Variants in NAA20 observed in about 807,000 individuals in gnomAD.
NAA20 encodes N-alpha-acetyltransferase 20, NatB catalytic subunit.
In NAA20, 24 loss-of-function variants were observed where a neutral mutation model predicts 23.8. The ratio of observed to expected loss-of-function variants is 1.01; its 90% confidence interval spans 0.73 to 1.42. The LOEUF is 1.42. NAA20 is among the 40% of genes most tolerant of loss of function. NAA20 has a pLI of 0.00. For missense variants in NAA20, 166 were observed against 223.1 expected, an observed-to-expected ratio of 0.74 and a Z score of 1.63; for synonymous variants, 83 against 77.7, an observed-to-expected ratio of 1.07 and a Z score of -0.36.
In NAA20 at chr20:20,033,089, T is replaced by G. The variant is rs374101584; in HGVS notation, c.452-13T>G. On this transcript the variant is annotated splice_polypyrimidine_tract_variant and intron_variant, in intron 5 of 5. Transcript: ENST00000334982. ...TTTTTTGGGTGTTTATATTAAACTT[T>G]GCTTCTTTACAGATATGAGGAAAGC... 281 of 1,592,258 alleles carry G rather than the reference T, an allele frequency of 1.8e-4. 1 individual carries two copies. Among genetic ancestry groups the G allele is most frequent in the Non-Finnish European group, 2.4e-4 (278 of 1,160,538 alleles).
At chr20:20,021,033 G>T (rs1007286265) in intron 1 of NAA20, among the ~76,000 whole-genome samples, 1 of 119,750 alleles carries the variant, frequency 8.4e-6, no homozygotes, top group South Asian at 3.7e-4. Context: ...CGTGGGTTCG[G>T]TGGGCGGGGG....
At chr20:20,027,631 A>G (rs570577139) in intron 4 of NAA20, among the ~76,000 whole-genome samples, 3 of 152,210 alleles carry the variant, frequency 2.0e-5, no homozygotes, top group Admixed American at 1.3e-4. Context: ...TAGTTTGCCA[A>G]TATCTGACAT....
At chr20:20,017,514 C>G in intron 1 of NAA20, 65 bp downstream of exon 1, 2 of 1,546,390 alleles carry the variant, frequency 1.3e-6, no homozygotes, top group Non-Finnish European at 1.7e-6. Context: ...CCCGCCAGCT[C>G]CGGCCCCAGC....
At chr20:20,021,670 C>A (rs1003104374) in intron 1 of NAA20, among the ~76,000 whole-genome samples, 2 of 152,194 alleles carry the variant, frequency 1.3e-5, no homozygotes, top group African/African-American at 4.8e-5. Flanking sequence ...AGTTTAAGAA[C>A]TGCTGGACTA....
At chr20:20,032,476 T>C (rs1374692148) in intron 4 of NAA20, 32 bp from the exon 5 acceptor site, 7 of 1,603,138 alleles carry the variant, frequency 4.4e-6, no homozygotes, top group Non-Finnish European at 6.0e-6. Context: ...TCTCACATTC[T>C]AACATTTTCC....
rs61268903 is a variant in NAA20, at chr20:20,022,420, G to A, written c.54-36G>A. ...CTTATTTCAACTGGTTATTGTAAAC[G>A]CTGCTTACTAGAGACATTTCTCTTG... On this transcript the variant is annotated intron_variant, in intron 1 of 5. Transcript: ENST00000334982. The A allele has an allele frequency of 2.9e-3, 4,550 of 1,572,596 alleles. 113 individuals carry two copies. The African/African-American group carries it at 0.056, about 19-fold the overall frequency.
chr20:20,025,561 A>G (rs2043301068), intron 2 of NAA20, 116 bp from the exon 3 acceptor site: 1 of 733,834 alleles, frequency 1.4e-6, no homozygotes, highest in Non-Finnish European at 2.4e-6. Context: ...TAGGACTCAT[A>G]CAGAGCTGGG....
In NAA20 at chr20:20,017,886, C is replaced by T. The variant is rs2043242448; in HGVS notation, c.53+437C>T. 3.1e-6 allele frequency: 5 copies of T among 1,590,232 alleles called. No homozygotes were observed. The East Asian group carries it at 1.1e-4, about 36-fold the overall frequency. On this transcript the variant is annotated intron_variant, in intron 1 of 5. Coordinates refer to ENST00000334982, the MANE Select transcript of NAA20 (RefSeq NM_016100.5). The stretch of plus-strand genomic sequence containing the variant: ...TCTGGGCAGAGGGCACCGCCGACGG[C>T]CAGGCCGCAGAGGGGGCTTGCGAGG...
At chr20:20,029,113 A>AAAT (rs2043325663) in intron 4 of NAA20, among the ~76,000 whole-genome samples, 1 of 152,152 alleles carries the variant, frequency 6.6e-6, no homozygotes, top group South Asian at 2.1e-4. Flanking sequence ...GACTCTATTT[A>AAAT]AAAGACAAAG....
At chr20:20,028,130 CTT>C (rs751567110) in intron 4 of NAA20, among the ~76,000 whole-genome samples, 4 of 152,106 alleles carry the variant, frequency 2.6e-5, no homozygotes, top group Non-Finnish European at 5.9e-5. Flanking sequence ...CGGTGCTAAT[CTT>C]TAAGATTTTT....
intron 1 of NAA20, chr20:20,018,329 C>T (rs2043245517): frequency 2.0e-6 from 1 of 497,748 alleles, no homozygotes. Context: ...CATTTTGCTA[C>T]GCTGGTATCT....
At chr20:20,022,688 T>G (rs942217943) in intron 2 of NAA20, 2 of 480,250 alleles carry the variant, frequency 4.2e-6, no homozygotes, top group African/African-American at 4.1e-5. Context: ...ATATCATGAC[T>G]TGGTAGAAAT....
intron 3 of NAA20, 67 bp downstream of exon 3, chr20:20,025,834 C>T: frequency 9.9e-7 from 1 of 1,008,540 alleles, no homozygotes. Context: ...CAACTGATTG[C>T]TTTAGACTGC....
At chr20:20,023,618 G>T (rs1239375986) in intron 2 of NAA20, among the ~76,000 whole-genome samples, 1 of 151,866 alleles carries the variant, frequency 6.6e-6, no homozygotes, top group Non-Finnish European at 1.5e-5. Context: ...CGGATTCTGT[G>T]TTATGCTCTG....
intron 1 of NAA20, chr20:20,018,819 T>G: frequency 2.2e-6 from 2 of 893,822 alleles, no homozygotes; most frequent in Non-Finnish European, 2.7e-6. Flanking sequence ...TCACCCCCAT[T>G]TTGTGTATGA....
intron 1 of NAA20, chr20:20,017,851 C>A: frequency 6.5e-7 from 1 of 1,538,224 alleles, no homozygotes. Context: ...CGTGGCCGGG[C>A]CGCGCCTCTT....
chr20:20,020,371 T>C (rs2043258995), intron 1 of NAA20, among the ~76,000 whole-genome samples: 1 of 151,964 alleles, frequency 6.6e-6, no homozygotes, highest in Non-Finnish European at 1.5e-5. Flanking sequence ...CTGGGGAAGT[T>C]AGGAATGAGT....
chr20:20,030,132 CTTATTT>C (rs1244840779), intron 4 of NAA20, among the ~76,000 whole-genome samples: 1 of 152,160 alleles, frequency 6.6e-6, no homozygotes, highest in African/African-American at 2.4e-5. Flanking sequence ...CATTCCTCAA[CTTATTT>C]TTTAAGGCCA....
intron 1 of NAA20, among the ~76,000 whole-genome samples, chr20:20,020,089 A>G (rs1272792766): frequency 6.6e-6 from 1 of 152,250 alleles, no homozygotes; most frequent in Non-Finnish European, 1.5e-5. Context: ...AGTGAACAAG[A>G]CATAAACAAA....
Sources: allele counts gnomAD v4.1 joint callset (sites outside exome capture counted in the v4.1 genomes callset), GRCh38; gene constraint gnomAD v4.1.1; transcripts MANE v1.5; gene names NCBI Gene and HGNC (gene_info 2026-07-23, HGNC 2026-07-21).